The following COL21A1 variants were observed in gnomAD, a reference collection of about 807,000 sequenced individuals.
COL21A1 encodes collagen alpha-1(XXI) chain.
A neutral mutation model predicts 137.9 loss-of-function variants in COL21A1; 149 were observed. The observed-to-expected ratio is 1.08, with a 90% CI of 0.95 to 1.24. The LOEUF is 1.24. COL21A1 is among the 50% of genes most tolerant of loss of function. The probability of loss-of-function intolerance (pLI) is 0.00; values close to 1 mark genes in which losing one functional copy is unlikely to be tolerated. For missense variants in COL21A1, 1,167 were observed against 1,158.4 expected (o/e 1.01, Z -0.11); for synonymous variants, 456 against 391.5 (o/e 1.16, Z -1.95).
chr6:56,178,754 T>C (rs1777676980), intron 3 of COL21A1, among the ~76,000 whole-genome samples: 1 of 152,138 alleles, frequency 6.6e-6, no homozygotes, highest in South Asian at 2.1e-4. Flanking sequence ...ACCATGCAGT[T>C]ATCATGAACA....
At chr6:56,265,506 A>G (rs759556990) in intron 1 of COL21A1, among the ~76,000 whole-genome samples, 5 of 152,310 alleles carry the variant, frequency 3.3e-5, no homozygotes, top group Middle Eastern at 6.8e-3. Context: ...AGGGCAGACA[A>G]TGATACTCCC....
chr6:56,365,864 C>T (rs953180422), intron 1 of COL21A1, among the ~76,000 whole-genome samples: 1 of 152,090 alleles, frequency 6.6e-6, no homozygotes, highest in Non-Finnish European at 1.5e-5. Flanking sequence ...TCACTATAGC[C>T]CCTTATAGAT....
rs2152280603 is a variant in COL21A1 at position 56,179,754 on chromosome 6, G to T, written c.464C>A (p.Ala155Asp). The change falls in exon 3 of 30, where the codon GCT (alanine) becomes GAT (aspartate). Residue 155 changes from alanine (A) to aspartate (D), a missense_variant. By Grantham distance (126) the Ala-to-Asp change is moderately radical. Coordinates refer to ENST00000244728, the MANE Select transcript of COL21A1 (RefSeq NM_030820.4). ...TATCTTACTATCTCTTGCTGCTTGA[G>T]CTGCATCCTTGACGTCATCTTGGGA... ...GKSQDDVKDA[A>D]QAARDSKITL... 1 of 1,613,874 alleles carries T rather than the reference G, an allele frequency of 6.2e-7. No homozygotes were observed.
intron 3 of COL21A1, 31 bp from the exon 4 acceptor site, chr6:56,171,159 A>G (rs564252888): frequency 4.6e-6 from 7 of 1,509,352 alleles, no homozygotes; most frequent in Admixed American, 4.4e-5. Context: ...AAGTTGGTTA[A>G]TCATGGACTA....
upstream of COL21A1, among the ~76,000 whole-genome samples, chr6:56,252,549 G>C (rs368300059): frequency 3.3e-5 from 5 of 152,312 alleles, no homozygotes; most frequent in Admixed American, 2.6e-4. Context: ...AAGCTGCAGA[G>C]ACCAGGTATC....
intron 1 of COL21A1, among the ~76,000 whole-genome samples, chr6:56,338,045 C>G (rs553134650): frequency 6.6e-6 from 1 of 150,616 alleles, no homozygotes; most frequent in South Asian, 2.1e-4. Flanking sequence ...TCACTGCAAC[C>G]TCCGCCTCCC....
intron 16 of COL21A1, among the ~76,000 whole-genome samples, chr6:56,106,430 C>G (rs1003534388): frequency 2.6e-5 from 4 of 152,108 alleles, no homozygotes; most frequent in African/African-American, 9.7e-5. Context: ...GTGAATGTGC[C>G]ACAAGAATCT....
intron 18 of COL21A1, among the ~76,000 whole-genome samples, chr6:56,076,159 T>G (rs1767217649): frequency 6.6e-6 from 1 of 151,582 alleles, no homozygotes; most frequent in African/African-American, 2.4e-5. Flanking sequence ...TGAGGGTGGA[T>G]CTTCAGCTCT....
At chr6:56,063,265 T>TA (rs2114048270) in intron 24 of COL21A1, among the ~76,000 whole-genome samples, 1 of 152,290 alleles carries the variant, frequency 6.6e-6, no homozygotes, top group East Asian at 1.9e-4. Flanking sequence ...GTGAGCTAGC[T>TA]AAGTTGTGAG....
chr6:56,261,647 A>G (rs183517433), intron 1 of COL21A1, among the ~76,000 whole-genome samples: 1 of 152,334 alleles, frequency 6.6e-6, no homozygotes, highest in Admixed American at 6.5e-5. Flanking sequence ...ATTGTATTTA[A>G]GGTGCCCAGT....
chr6:56,245,475 T>C (rs1399445160), intron 1 of COL21A1, among the ~76,000 whole-genome samples: 1 of 152,222 alleles, frequency 6.6e-6, no homozygotes, highest in Non-Finnish European at 1.5e-5. Context: ...AATCTAATCA[T>C]GTATCAACAT....
chr6:56,169,645 C>T (rs1776870913), intron 5 of COL21A1, among the ~76,000 whole-genome samples: 1 of 151,792 alleles, frequency 6.6e-6, no homozygotes, highest in African/African-American at 2.4e-5. Flanking sequence ...ATTTAATGCG[C>T]CCTTATATTC....
At chr6:56,305,632 G>A (rs1349487440) in intron 1 of COL21A1, among the ~76,000 whole-genome samples, 2 of 152,090 alleles carry the variant, frequency 1.3e-5, no homozygotes, top group Non-Finnish European at 2.9e-5. Flanking sequence ...TGTGTCTCAT[G>A]CACGTGAGAT....
intron 1 of COL21A1, among the ~76,000 whole-genome samples, chr6:56,329,787 A>G (rs532981492): frequency 1.3e-5 from 2 of 152,236 alleles, no homozygotes; most frequent in East Asian, 3.9e-4. Context: ...ACTAAGTTTA[A>G]TAAAGGCTTC....
chr6:56,332,636 G>A (rs1259157222), intron 1 of COL21A1, among the ~76,000 whole-genome samples: 1 of 149,050 alleles, frequency 6.7e-6, no homozygotes, highest in Admixed American at 6.7e-5. Flanking sequence ...AGCAGAGTAG[G>A]GTCGGAGACT....
chr6:56,074,243 G>A lies in COL21A1; in HGVS notation c.1954C>T (p.Pro652Ser), dbSNP rs777509414. 1.3e-6 allele frequency: 2 copies of A among 1,582,324 alleles called. No homozygotes were observed. Among genetic ancestry groups the A allele is most frequent in the African/African-American group, 2.7e-5 (2 of 72,984 alleles). ...SNGSPGQPGT[P>S]GSKGSKGEPG... The stretch of plus-strand genomic sequence containing the variant: ...TTTATCATATTTACCTTAGATCCCG[G>A]TGTTCCAGGCTGGCCTGGTGAGCCA... Residue 652 changes from proline to serine, a missense_variant, in exon 20 of 30, where the codon CCG becomes TCG. Pro to Ser is a moderately conservative substitution (Grantham distance 74). Coordinates refer to ENST00000244728, the MANE Select transcript of COL21A1 (RefSeq NM_030820.4).
chr6:56,060,040 A>T lies in COL21A1; in HGVS notation c.2586T>A (p.Arg862=), dbSNP rs1765661512. The T allele has an allele frequency of 6.3e-7, 1 of 1,599,386 alleles. No homozygotes were observed. Among genetic ancestry groups the T allele is most frequent in the South Asian group, 1.1e-5 (1 of 88,048 alleles). ...TACCTTTTAATCCTCTGACACCTGG[A>T]CGTCCAGGGACACCCACTAATCCAG... The part of the protein sequence containing the change: ...GVPGLVGVPG[R]PGVRGLKGLP... The change falls in exon 28 of 30, where the codon CGT becomes CGA. Residue 862 remains arginine (R), a synonymous_variant. Coordinates refer to ENST00000244728, the MANE Select transcript of COL21A1 (RefSeq NM_030820.4).
intron 1 of COL21A1, among the ~76,000 whole-genome samples, chr6:56,262,621 A>G (rs1331359063): frequency 6.6e-6 from 1 of 152,174 alleles, no homozygotes. Context: ...AAGTTATACT[A>G]GAATATAAAA....
chr6:56,234,761 C>T (rs1321513964), intron 1 of COL21A1, among the ~76,000 whole-genome samples: 2 of 151,816 alleles, frequency 1.3e-5, no homozygotes, highest in African/African-American at 4.8e-5. Context: ...AAAAATCACA[C>T]ACTCTTAATC....
Sources: gnomAD v4.1 joint callset for allele counts (sites outside exome capture counted in the v4.1 genomes callset) on GRCh38, gnomAD v4.1.1 for gene constraint, MANE v1.5 for transcripts, NCBI Gene and HGNC (gene_info 2026-07-23, HGNC 2026-07-21) for gene names.